The following CCDC170 variants were observed in gnomAD, a reference collection of about 807,000 sequenced individuals.
CCDC170 encodes coiled-coil domain-containing protein 170.
Under a neutral mutation model 72.6 loss-of-function variants are expected in CCDC170, and 69 were observed. The ratio of observed to expected loss-of-function variants is 0.95; its 90% CI spans 0.78 to 1.16. The LOEUF (loss-of-function observed/expected upper bound fraction) is 1.16. CCDC170 is among the 50% of genes most tolerant of loss of function. The pLI, the probability that CCDC170 is intolerant of heterozygous loss-of-function variation, is 0.00. For synonymous variants in CCDC170, 300 were observed against 303.9 expected (o/e 0.99, Z 0.13); for missense variants, 852 against 832.5 (o/e 1.02, Z -0.29).
chr6:151,610,465 GGAGA>G (rs200578100), intron 9 of CCDC170, among the ~76,000 whole-genome samples: 4 of 152,088 alleles, frequency 2.6e-5, no homozygotes, highest in African/African-American at 9.7e-5. Flanking sequence ...TATTTTGCCT[GGAGA>G]GAGAGAGATG....
At chr6:151,610,775 C>T (rs1459985697) in intron 9 of CCDC170, among the ~76,000 whole-genome samples, 1 of 152,208 alleles carries the variant, frequency 6.6e-6, no homozygotes, top group Admixed American at 6.5e-5. Flanking sequence ...GGTGCCTGCT[C>T]TACTGGTGAT....
At chr6:151,512,184 G>T (rs1427372983) in intron 1 of CCDC170, among the ~76,000 whole-genome samples, 1 of 143,584 alleles carries the variant, frequency 7.0e-6, no homozygotes, top group African/African-American at 2.7e-5. Context: ...TTTTGAGATG[G>T]AGTCTCGCTC....
intron 1 of CCDC170, among the ~76,000 whole-genome samples, chr6:151,497,202 C>G (rs555054912): frequency 6.6e-6 from 1 of 152,056 alleles, no homozygotes; most frequent in Non-Finnish European, 1.5e-5. Flanking sequence ...CCAGACTGGG[C>G]AACATGGCAA....
At position 151,593,137 on chromosome 6, in the gene CCDC170, A is replaced by T. The variant is rs1776567739; in HGVS notation, c.1324A>T (p.Lys442Ter). The part of the protein sequence containing the change: ...YLKFLDQLSQ[K>*]MKLDQMAAEL... ...TAAATTTCTGGATCAGCTTTCTCAG[A>T]AAATGAAGTTGGACCAGATGGCTGC... The change falls in exon 8 of 11, where the codon AAA becomes TAA. Residue 442 changes from lysine to a stop codon, truncating the protein, a stop_gained. Coordinates refer to ENST00000239374, the MANE Select transcript of CCDC170 (RefSeq NM_025059.4). LOFTEE classifies it high-confidence loss of function. The T allele has an allele frequency of 1.9e-6, 3 of 1,614,198 alleles. No individual in the cohort carries two copies. The highest frequency in any genetic ancestry group is 2.5e-6 in the Non-Finnish European group (3 of 1,180,030).
Position 151,615,563 on chromosome 6 carries a change from A to G in CCDC170, c.1831A>G (p.Thr611Ala). The G allele has an allele frequency of 1.2e-6, 2 of 1,614,114 alleles. No homozygotes were observed. The highest frequency in any genetic ancestry group is 8.5e-7 in the Non-Finnish European group (1 of 1,179,950). The change falls in exon 10 of 11, where the codon ACA becomes GCA. Residue 611 changes from threonine to alanine, a missense_variant. Physicochemically the swap from Thr to Ala is moderately conservative, Grantham distance 58. Coordinates refer to ENST00000239374, the MANE Select transcript of CCDC170 (RefSeq NM_025059.4). ...GTCTGTCAAGTCAGAACTGGATACC[A>G]CAGAACATGAGGCTAAGGAGAATAA... is the stretch of plus-strand genomic sequence containing the variant. ...LMSVKSELDT[T>A]EHEAKENKER... is the part of the protein sequence containing the mutation.
At chr6:151,500,522 T>A (rs1041760228) in intron 1 of CCDC170, among the ~76,000 whole-genome samples, 1 of 151,902 alleles carries the variant, frequency 6.6e-6, no homozygotes, top group East Asian at 1.9e-4. Flanking sequence ...TCTAAATATA[T>A]ACTATTTATG....
In CCDC170 at chr6:151,494,272, T is replaced by G. The variant is rs1582996185; in HGVS notation, c.57+87T>G. The stretch of plus-strand genomic sequence containing the variant: ...GCCGAGGCGCCCCTGATTTGCACCC[T>G]TTTCCTCCCGGAGGCGTGGGCAGAA... On this transcript the variant is annotated intron_variant, in intron 1 of 10. Transcript: ENST00000239374. 2.3e-6 allele frequency: 3 copies of G among 1,316,134 alleles called. No individual in the cohort carries two copies. The East Asian group carries it at 9.0e-5, about 39-fold the overall frequency. 81.5% of individuals were successfully genotyped at this position (1,316,134 alleles called of 1,614,324 possible). A position where few individuals can be genotyped will look rare whatever the true frequency, so the allele number is the denominator to read the frequency against.
intron 5 of CCDC170, among the ~76,000 whole-genome samples, chr6:151,565,411 G>T (rs1450486791): frequency 6.6e-6 from 1 of 152,128 alleles, no homozygotes; most frequent in Non-Finnish European, 1.5e-5. Context: ...ATCCATGATG[G>T]GAGTATGGAC....
Position 151,536,375 on chromosome 6 carries a change from C to G in CCDC170, c.115C>G (p.Arg39Gly). The change falls in exon 2 of 11, where the codon CGG (arginine) becomes GGG (glycine). Residue 39 changes from arginine to glycine, a missense_variant. By Grantham distance (125) the Arg-to-Gly change is moderately radical. Coordinates refer to ENST00000239374, the MANE Select transcript of CCDC170 (RefSeq NM_025059.4). ...CACGCGGGAGCAGTTAAACCACTAT[C>G]GGAATGTGGCTCAAAATGCTCGAAG... is the stretch of plus-strand genomic sequence containing the variant. Reference protein sequence around the residue: ...PVTREQLNHYRNVAQNARSEL... With the variant: ...PVTREQLNHYGNVAQNARSEL... 1 of 1,614,130 alleles carries G rather than the reference C, an allele frequency of 6.2e-7. No individual in the cohort carries two copies. The highest frequency in any genetic ancestry group is 8.5e-7 in the Non-Finnish European group (1 of 1,179,992).
intron 9 of CCDC170, among the ~76,000 whole-genome samples, chr6:151,603,829 T>C (rs1173526266): frequency 6.6e-6 from 1 of 152,198 alleles, no homozygotes; most frequent in Non-Finnish European, 1.5e-5. Context: ...GGACACCCTG[T>C]GTGCTGCTTT....
At chr6:151,553,440 A>G (rs1782918529) in intron 5 of CCDC170, among the ~76,000 whole-genome samples, 1 of 152,208 alleles carries the variant, frequency 6.6e-6, no homozygotes, top group African/African-American at 2.4e-5. Flanking sequence ...TTTTAATTCA[A>G]TTATAACTAG....
intron 8 of CCDC170, 143 bp from the exon 9 acceptor site, chr6:151,596,192 G>A (rs1776619034): frequency 9.6e-7 from 1 of 1,040,372 alleles, no homozygotes; most frequent in African/African-American, 1.6e-5. Flanking sequence ...ATGCAATCAG[G>A]AAAAGGAATC....
chr6:151,541,887 T>TATATATA (rs973454951), intron 3 of CCDC170, among the ~76,000 whole-genome samples: 27 of 59,268 alleles, frequency 4.6e-4, no homozygotes, highest in African/African-American at 1.4e-3. Flanking sequence ...TATATATATA[T>TATATATA]TTTTTTTTTT....
chr6:151,519,583 T>C (rs1782288157), intron 1 of CCDC170, among the ~76,000 whole-genome samples: 2 of 152,228 alleles, frequency 1.3e-5, no homozygotes, highest in African/African-American at 2.4e-5. Context: ...TAAGAAATTA[T>C]AAAAGTATTA....
intron 5 of CCDC170, among the ~76,000 whole-genome samples, chr6:151,553,283 AT>A (rs1194360099): frequency 1.3e-5 from 2 of 152,184 alleles, no homozygotes; most frequent in Admixed American, 1.3e-4. Flanking sequence ...TTGAACCCAT[AT>A]CATTACATTA....
At chr6:151,513,546 G>A (rs922987448) in intron 1 of CCDC170, among the ~76,000 whole-genome samples, 1 of 148,244 alleles carries the variant, frequency 6.7e-6, no homozygotes, top group African/African-American at 2.5e-5. Context: ...GGAGGCAGAG[G>A]TTGCAGTAAG....
chr6:151,600,154 T>C (rs1022025207), intron 9 of CCDC170, among the ~76,000 whole-genome samples: 1 of 152,224 alleles, frequency 6.6e-6, no homozygotes, highest in African/African-American at 2.4e-5. Flanking sequence ...AAATACAGAA[T>C]AGATTTTTGT....
At chr6:151,543,025 GA>G (rs1782714440) in intron 3 of CCDC170, among the ~76,000 whole-genome samples, 1 of 151,904 alleles carries the variant, frequency 6.6e-6, no homozygotes, top group Admixed American at 6.6e-5. Context: ...TAGCGTGAAG[GA>G]ATTTGCAGTA....
In CCDC170 at chr6:151,564,631, G is replaced by A. The variant is rs544649371; in HGVS notation, c.775-8543G>A. 5.3e-5 allele frequency among the ~76,000 whole-genome samples: 8 copies of A among 152,268 alleles called. No homozygotes were observed. In the East Asian group the frequency reaches 5.8e-4, roughly 11 times the overall value. On this transcript the variant is annotated intron_variant, in intron 5 of 10. Transcript: ENST00000239374. ...GATGGCTGGGCAGGCCAGGCCCTGCGCCTGCAGGTTGTGTGTGCAGGTGGG... is the reference window on the plus strand; with the variant it reads ...GATGGCTGGGCAGGCCAGGCCCTGCACCTGCAGGTTGTGTGTGCAGGTGGG...
Sources: allele counts gnomAD v4.1 joint callset (sites outside exome capture counted in the v4.1 genomes callset), GRCh38; gene constraint gnomAD v4.1.1; transcripts MANE v1.5; gene names NCBI Gene and HGNC (gene_info 2026-07-23, HGNC 2026-07-21).